The following SPINK9 variants were observed in gnomAD, a reference collection of about 807,000 sequenced individuals.
The protein encoded by SPINK9 is serine protease inhibitor Kazal-type 9.
In SPINK9, 3 loss-of-function variants were observed where a neutral mutation model predicts 10.8. That is an observed-to-expected ratio of 0.28 (90% CI 0.13 to 0.72). SPINK9 has a LOEUF of 0.72. Ranked by LOEUF, SPINK9 falls within the 30% of genes least tolerant of loss-of-function variation. SPINK9 has a pLI of 0.74. For missense variants in SPINK9, 101 were observed against 103.2 expected (o/e 0.98, Z 0.09); for synonymous variants, 30 against 31.2 (o/e 0.96, Z 0.12).
At chr5:148,330,964 CG>C (rs1449954018), upstream of SPINK9, among the ~76,000 whole-genome samples, 1 of 152,126 alleles carries the variant, frequency 6.6e-6, no homozygotes, top group Non-Finnish European at 1.5e-5. Context: ...GGGAGTGACC[CG>C]ATTTTCCAGG....
upstream of SPINK9, among the ~76,000 whole-genome samples, chr5:148,330,808 T>G (rs905704429): frequency 6.6e-6 from 1 of 152,196 alleles, no homozygotes; most frequent in Non-Finnish European, 1.5e-5. Context: ...GAAAATTCTT[T>G]TCTTTAAGAA....
At position 148,335,579 on chromosome 5, in the gene SPINK9, TC is replaced by T; in HGVS notation, c.-32del. On this transcript the variant is annotated 5_prime_UTR_variant, in exon 1 of 4. Coordinates refer to ENST00000377906, the MANE Select transcript of SPINK9 (RefSeq NM_001040433.2). ...TGGACGGACACCAGGTCACTTCTTT[TC>T]CCTACATCTGACTGCCTTGGCCACT... The T allele has an allele frequency of 1.2e-6, 2 of 1,607,428 alleles. No individual in the cohort carries two copies. The highest frequency in any genetic ancestry group is 1.7e-6 in the Non-Finnish European group (2 of 1,175,258).
chr5:148,336,955 ACT>A (rs1309701708), intron 2 of SPINK9, among the ~76,000 whole-genome samples: 1 of 152,200 alleles, frequency 6.6e-6, no homozygotes, highest in Admixed American at 6.5e-5. Flanking sequence ...CTTATTTGGT[ACT>A]CAATTTGAGT....
At chr5:148,322,435 A>C (rs1757009614) in intron 1 of SPINK9, among the ~76,000 whole-genome samples, 1 of 152,222 alleles carries the variant, frequency 6.6e-6, no homozygotes, top group South Asian at 2.1e-4. Context: ...GGAATGGAAG[A>C]GAGCCAGTCA....
chr5:148,337,873 T>G (rs1357274342), intron 2 of SPINK9, among the ~76,000 whole-genome samples: 2 of 152,142 alleles, frequency 1.3e-5, no homozygotes, highest in African/African-American at 2.4e-5. Context: ...TATGAAAAAC[T>G]TTTCTTGGGA....
chr5:148,332,581 A>T (rs1376245902), upstream of SPINK9, among the ~76,000 whole-genome samples: 1 of 152,222 alleles, frequency 6.6e-6, no homozygotes, highest in East Asian at 1.9e-4. Context: ...ATGGGAACTC[A>T]AGTTCACCAG....
chr5:148,323,882 GA>G, intron 2 of SPINK9: 1 of 689,474 alleles, frequency 1.5e-6, no homozygotes, highest in Non-Finnish European at 2.6e-6. Flanking sequence ...TGTAGCCCGC[GA>G]AAGTAATTTA....
upstream of SPINK9, among the ~76,000 whole-genome samples, chr5:148,334,053 G>A (rs1013450191): frequency 6.6e-6 from 1 of 151,956 alleles, no homozygotes; most frequent in Non-Finnish European, 1.5e-5. Context: ...ACACAACAGG[G>A]ACAAGTGGGG....
chr5:148,332,042 T>C (rs1189232453), upstream of SPINK9, among the ~76,000 whole-genome samples: 1 of 152,212 alleles, frequency 6.6e-6, no homozygotes, highest in Non-Finnish European at 1.5e-5. Context: ...ATGGCACAGA[T>C]GGCAAAATTT....
At chr5:148,323,580 T>C in intron 1 of SPINK9, 1 of 490,528 alleles carries the variant, frequency 2.0e-6, no homozygotes, top group Non-Finnish European at 3.6e-6. Context: ...TTTCCTTCTT[T>C]ATTCTTAGGA....
At chr5:148,330,894 A>C (rs1396757121), upstream of SPINK9, among the ~76,000 whole-genome samples, 2 of 152,210 alleles carry the variant, frequency 1.3e-5, no homozygotes, top group Non-Finnish European at 2.9e-5. Flanking sequence ...AGCCATGTGC[A>C]GGATATAATC....
chr5:148,329,524 T>G (rs2113415661), intron 2 of SPINK9, among the ~76,000 whole-genome samples: 1 of 152,346 alleles, frequency 6.6e-6, no homozygotes, highest in East Asian at 1.9e-4. Flanking sequence ...GCTCTGATCT[T>G]AGTTATTTCT....
intron 2 of SPINK9, among the ~76,000 whole-genome samples, chr5:148,325,314 T>C (rs1219406617): frequency 1.3e-5 from 2 of 152,122 alleles, no homozygotes; most frequent in African/African-American, 2.4e-5. Context: ...AGTAATTCTA[T>C]GTTTAACTTT....
intron 2 of SPINK9, among the ~76,000 whole-genome samples, chr5:148,330,076 CGTT>C (rs1329429051): frequency 6.6e-6 from 1 of 152,056 alleles, no homozygotes; most frequent in Non-Finnish European, 1.5e-5. Flanking sequence ...CTTTCTGTCT[CGTT>C]GATCTGTCTA....
intron 1 of SPINK9, among the ~76,000 whole-genome samples, chr5:148,322,845 A>G (rs948325172): frequency 6.6e-6 from 1 of 152,252 alleles, no homozygotes; most frequent in Admixed American, 6.5e-5. Context: ...TCCAAAGTAG[A>G]CACCAGACTG....
upstream of SPINK9, chr5:148,335,439 C>A: frequency 5.6e-6 from 3 of 536,898 alleles, no homozygotes; most frequent in South Asian, 7.9e-5. Flanking sequence ...AGAAAAGAAT[C>A]CCCATGGCTC....
chr5:148,335,586 A>T lies in SPINK9; in HGVS notation c.-28A>T, dbSNP rs375732670. ...ACACCAGGTCACTTCTTTTCCCTAC[A>T]TCTGACTGCCTTGGCCACTTCAGTA... On this transcript the variant is annotated 5_prime_UTR_variant, in exon 1 of 4. Coordinates refer to ENST00000377906, the MANE Select transcript of SPINK9 (RefSeq NM_001040433.2). 1 of 1,612,144 alleles carries T rather than the reference A, an allele frequency of 6.2e-7. No individual in the cohort carries two copies. Among genetic ancestry groups the T allele is most frequent in the Non-Finnish European group, 8.5e-7 (1 of 1,178,928 alleles).
rs1344481181 is a variant in SPINK9 at position 148,339,777 on chromosome 5, C to T, written c.*65C>T. On this transcript the variant is annotated 3_prime_UTR_variant, in exon 4 of 4. Coordinates refer to ENST00000377906, the MANE Select transcript of SPINK9 (RefSeq NM_001040433.2). ...TTCACAAGAGTCACATTTCTGTTCC[C>T]ATATTATCTATGCCACATTGCCTAC... 5.8e-6 allele frequency: 8 copies of T among 1,374,866 alleles called. No individual in the cohort carries two copies. Among genetic ancestry groups the T allele is most frequent in the Middle Eastern group, 1.8e-4 (1 of 5,604 alleles). The allele number at this position is 1,374,866 out of a possible 1,614,324, so 85.2% of individuals were successfully genotyped here.
chr5:148,322,593 A>G (rs73262433), intron 1 of SPINK9, among the ~76,000 whole-genome samples: 6,202 of 152,258 alleles, frequency 0.041, 427 homozygotes, highest in African/African-American at 0.14. Flanking sequence ...TATCCACTAT[A>G]TCTTATGATA....
Sources: gnomAD v4.1 joint callset for allele counts (sites outside exome capture counted in the v4.1 genomes callset) on GRCh38, gnomAD v4.1.1 for gene constraint, MANE v1.5 for transcripts, NCBI Gene and HGNC (gene_info 2026-07-23, HGNC 2026-07-21) for gene names.